The following CYP7B1 variants were observed in gnomAD, a reference collection of about 807,000 sequenced individuals.
CYP7B1 encodes the protein cytochrome P450 family 7 subfamily B member 1, also known as cytochrome P450 7B1.
Under a neutral mutation model 42.7 loss-of-function variants are expected in CYP7B1, and 29 were observed. The ratio of observed to expected loss-of-function variants is 0.68; its 90% confidence interval spans 0.51 to 0.93. CYP7B1 has a LOEUF of 0.93. Ranked by LOEUF, CYP7B1 falls within the 40% of genes least tolerant of loss-of-function variation. The probability of loss-of-function intolerance (pLI) is 0.00; values close to 1 mark genes in which losing one functional copy is unlikely to be tolerated. For missense variants in CYP7B1, 655 were observed against 600.5 expected, an observed-to-expected ratio of 1.09 and a Z score of -0.95; for synonymous variants, 235 against 218.2, an observed-to-expected ratio of 1.08 and a Z score of -0.68.
intron 1 of CYP7B1, among the ~76,000 whole-genome samples, chr8:64,688,587 G>C (rs1404056979): frequency 1.3e-5 from 2 of 152,178 alleles, no homozygotes; most frequent in Non-Finnish European, 2.9e-5. Flanking sequence ...TGGCTGAAGT[G>C]CAAGTTATTT....
intron 1 of CYP7B1, among the ~76,000 whole-genome samples, chr8:64,758,538 A>G (rs975995671): frequency 6.6e-6 from 1 of 151,948 alleles, no homozygotes; most frequent in Non-Finnish European, 1.5e-5. Flanking sequence ...AATATTATTT[A>G]AATTTATTTA....
chr8:64,596,658 T>C lies in CYP7B1; in HGVS notation c.1505A>G (p.Tyr502Cys), dbSNP rs1390285601. ...TTAGCTTCTCTAAGATTTCACTTTG[T>C]ATCTAAATAAAACATCAGAATCTGG... Reference protein sequence around the residue: ...QYPDSDVLFRYKVKS With the variant: ...QYPDSDVLFRCKVKS The change falls in exon 6 of 6, where the codon TAC (tyrosine) becomes TGC (cysteine). Residue 502 changes from tyrosine (Y) to cysteine (C), a missense_variant. Tyr to Cys is a radical substitution (Grantham distance 194, BLOSUM62 -2). Transcript: ENST00000310193. 2.5e-6 allele frequency: 4 copies of C among 1,612,974 alleles called. No individual in the cohort carries two copies. Among genetic ancestry groups the C allele is most frequent in the Non-Finnish European group, 3.4e-6 (4 of 1,179,454 alleles).
intron 1 of CYP7B1, among the ~76,000 whole-genome samples, chr8:64,669,359 C>A (rs1020129633): frequency 3.9e-5 from 6 of 151,940 alleles, no homozygotes; most frequent in Admixed American, 3.3e-4. Flanking sequence ...TAAATGCCTC[C>A]CCCTCCATGT....
Position 64,798,514 on chromosome 8 carries a change from G to C in CYP7B1, c.74C>G (p.Ala25Gly), listed in dbSNP as rs1018159021. ...ERLGLPGLALAAALLLLALCL... is the reference protein window; with the variant it reads ...ERLGLPGLALGAALLLLALCL... ...GAGGGCCAGGAGCAGCAGGGCCGCG[G>C]CGAGGGCCAGGCCCGGGAGGCCCAA... The change falls in exon 1 of 6, where the codon GCC becomes GGC. Residue 25 changes from alanine (A) to glycine (G), a missense_variant. By Grantham distance (60) the Ala-to-Gly change is moderately conservative. Transcript: ENST00000310193. 2.7e-6 allele frequency: 4 copies of C among 1,507,382 alleles called. No homozygotes were observed. The highest frequency in any genetic ancestry group is 3.5e-6 in the Non-Finnish European group (4 of 1,136,866). 93.4% of individuals were successfully genotyped at this position (1,507,382 alleles called of 1,614,324 possible). A position where few individuals can be genotyped will look rare whatever the true frequency, so the allele number is the denominator to read the frequency against.
In CYP7B1 at chr8:64,658,963, A is replaced by G. The variant is rs111940390; in HGVS notation, c.123-34424T>C. On this transcript the variant is annotated intron_variant, in intron 1 of 5. Coordinates refer to ENST00000310193, the MANE Select transcript of CYP7B1 (RefSeq NM_004820.5). Reference sequence around the variant, plus strand: ...CATGAACAGAATCACACACATGTGCAGGAACTAATCTGAGAGACTTGAAAA... The same window carrying G: ...CATGAACAGAATCACACACATGTGCGGGAACTAATCTGAGAGACTTGAAAA... Among the ~76,000 whole-genome samples the G allele has an allele frequency of 3.2e-3, 484 of 152,352 alleles. 8 individuals are homozygous for G. The highest frequency in any genetic ancestry group is 0.011 in the African/African-American group (472 of 41,592).
At chr8:64,742,830 T>A (rs1237617604) in intron 1 of CYP7B1, among the ~76,000 whole-genome samples, 1 of 152,170 alleles carries the variant, frequency 6.6e-6, no homozygotes, top group Non-Finnish European at 1.5e-5. Context: ...TAGCAAAAAG[T>A]TTTTTCCTTT....
chr8:64,604,315 T>G (rs936600720), intron 5 of CYP7B1, among the ~76,000 whole-genome samples: 1 of 152,212 alleles, frequency 6.6e-6, no homozygotes, highest in Non-Finnish European at 1.5e-5. Context: ...ATAGTTATCA[T>G]CATTTATTCT....
At chr8:64,684,189 TA>T (rs1806585188) in intron 1 of CYP7B1, among the ~76,000 whole-genome samples, 1 of 152,216 alleles carries the variant, frequency 6.6e-6, no homozygotes, top group Admixed American at 6.5e-5. Context: ...TGGTTGGGTT[TA>T]CACACTCCTC....
chr8:64,652,364 G>T (rs13251754), intron 1 of CYP7B1, among the ~76,000 whole-genome samples: 51 of 152,014 alleles, frequency 3.4e-4, no homozygotes, highest in Non-Finnish European at 1.6e-4. Context: ...AAAAACAACA[G>T]AATATACATT....
At chr8:64,679,092 T>G (rs1187323193) in intron 1 of CYP7B1, among the ~76,000 whole-genome samples, 1 of 152,110 alleles carries the variant, frequency 6.6e-6, no homozygotes, top group Non-Finnish European at 1.5e-5. Context: ...CTGTGAAACT[T>G]TCATAATCTT....
chr8:64,655,150 C>T (rs964180987), intron 1 of CYP7B1, among the ~76,000 whole-genome samples: 7 of 152,096 alleles, frequency 4.6e-5, no homozygotes, highest in African/African-American at 1.7e-4. Flanking sequence ...GCAATCACAA[C>T]AAAAGCAAAA....
At chr8:64,618,230 A>C (rs866041670) in intron 2 of CYP7B1, among the ~76,000 whole-genome samples, 24 of 151,968 alleles carry the variant, frequency 1.6e-4, no homozygotes, top group Non-Finnish European at 2.1e-4. Flanking sequence ...CAAAAGATAT[A>C]ATTTTAGGCA....
At chr8:64,785,144 T>A (rs1410650871) in intron 1 of CYP7B1, among the ~76,000 whole-genome samples, 1 of 152,074 alleles carries the variant, frequency 6.6e-6, no homozygotes, top group Non-Finnish European at 1.5e-5. Flanking sequence ...AACTGAAAAT[T>A]AAAACAATAA....
intron 1 of CYP7B1, among the ~76,000 whole-genome samples, chr8:64,666,750 T>A (rs1416751200): frequency 6.6e-6 from 1 of 152,246 alleles, no homozygotes; most frequent in Non-Finnish European, 1.5e-5. Context: ...TCACTGTTAT[T>A]TAACATCATG....
intron 1 of CYP7B1, among the ~76,000 whole-genome samples, chr8:64,670,888 T>C (rs1477437526): frequency 1.3e-5 from 2 of 152,110 alleles, no homozygotes; most frequent in Non-Finnish European, 2.9e-5. Context: ...TTTTAAACCC[T>C]GGTGTTAGTA....
chr8:64,723,772 T>C (rs1194002934), intron 1 of CYP7B1, among the ~76,000 whole-genome samples: 1 of 152,118 alleles, frequency 6.6e-6, no homozygotes. Flanking sequence ...ATCAAAGATA[T>C]TTGCTGTAGA....
At chr8:64,773,344 G>A (rs1295019981) in intron 1 of CYP7B1, among the ~76,000 whole-genome samples, 1 of 152,136 alleles carries the variant, frequency 6.6e-6, no homozygotes, top group Non-Finnish European at 1.5e-5. Context: ...GCAAATAGCT[G>A]CAAACTATTC....
intron 1 of CYP7B1, among the ~76,000 whole-genome samples, chr8:64,754,950 G>C (rs1230618502): frequency 6.6e-6 from 1 of 152,230 alleles, no homozygotes; most frequent in Non-Finnish European, 1.5e-5. Flanking sequence ...GTGGGAACCA[G>C]AGGTGAAGTT....
At chr8:64,634,597 AAAG>A (rs1022376033) in intron 1 of CYP7B1, among the ~76,000 whole-genome samples, 1 of 151,944 alleles carries the variant, frequency 6.6e-6, no homozygotes, top group African/African-American at 2.4e-5. Flanking sequence ...AAAAAAAAAA[AAAG>A]AAAGAAATGC....
Sources: allele counts gnomAD v4.1 joint callset (sites outside exome capture counted in the v4.1 genomes callset), GRCh38; gene constraint gnomAD v4.1.1; transcripts MANE v1.5; gene names NCBI Gene and HGNC (gene_info 2026-07-23, HGNC 2026-07-21).